Variants in SPATA31C2 observed in about 807,000 individuals in gnomAD.
SPATA31C2 encodes spermatogenesis-associated protein 31C2.
A neutral mutation model predicts 11.4 loss-of-function variants in SPATA31C2; 5 were observed. The observed-to-expected ratio is 0.44, with a 90% CI of 0.23 to 0.92. The LOEUF is 0.92. SPATA31C2 is among the 40% of genes least tolerant of loss of function. The pLI is 0.24. For synonymous variants in SPATA31C2, 515 were observed against 538.7 expected (o/e 0.96, Z 0.61); for missense variants, 1,353 against 1,368.6 (o/e 0.99, Z 0.18).
chr9:88,134,053 G>T (rs1825646210), intron 1 of SPATA31C2, among the ~76,000 whole-genome samples: 1 of 150,852 alleles, frequency 6.6e-6, no homozygotes, highest in African/African-American at 2.4e-5. Flanking sequence ...TACTCAGGAC[G>T]CTAAGACAGG....
chr9:88,131,276 G>T lies in SPATA31C2; in HGVS notation c.1761C>A (p.Thr587=), dbSNP rs543685165. 12 of 1,611,710 alleles carry T rather than the reference G, an allele frequency of 7.4e-6. No homozygotes were observed. Among genetic ancestry groups the T allele is most frequent in the Admixed American group, 1.7e-5 (1 of 59,966 alleles). Residue 587 remains threonine, a synonymous_variant, in exon 4 of 4, where the codon ACC becomes ACA. Coordinates refer to ENST00000324915, the MANE Select transcript of SPATA31C2 (RefSeq NM_001350978.3). The stretch of plus-strand genomic sequence containing the variant: ...CACTCACGGGGATCAAGCCCTCGTT[G>T]GTCTGGCCCAACTTTCTGCTCATGT... ...KAHMSRKLGQ[T]NEGLIPVSVR...
chr9:88,130,752 G>C lies in SPATA31C2; in HGVS notation c.2285C>G (p.Ala762Gly). ...NDHGSLKAPT[A>G]GQEGRWPSKP... ...AGATGGCCACCTGCCCTCCTGTCCA[G>C]CTGTAGGAGCCTTCAAGGACCCATG... The change falls in exon 4 of 4, where the codon GCT becomes GGT. Residue 762 changes from alanine (A) to glycine (G), a missense_variant. By Grantham distance (60) the Ala-to-Gly change is moderately conservative (BLOSUM62 0). Coordinates refer to ENST00000324915, the MANE Select transcript of SPATA31C2 (RefSeq NM_001350978.3). The C allele has an allele frequency of 6.2e-7, 1 of 1,613,414 alleles. No homozygotes were observed. Among genetic ancestry groups the C allele is most frequent in the Admixed American group, 1.7e-5 (1 of 60,018 alleles).
chr9:88,132,436 G>T lies in SPATA31C2; in HGVS notation c.601C>A (p.His201Asn). Residue 201 changes from histidine (H) to asparagine (N), a missense_variant, in exon 4 of 4, where the codon CAT (histidine) becomes AAT (asparagine). This residue lies in a region of SPATA31C2 where 1,075 missense variants were observed against 992.8 expected (regional missense o/e 1.08). Coordinates refer to ENST00000324915, the MANE Select transcript of SPATA31C2 (RefSeq NM_001350978.3). ...QPPEPSLLLE[H>N]PSPEPPALFP... ...AGTGCAGGTGGCTCGGGTGAGGGAT[G>T]TTCTAGGAGAAGGGAAGGTTCTGGT... The T allele has an allele frequency of 6.2e-7, 1 of 1,611,318 alleles. No individual in the cohort carries two copies. Among genetic ancestry groups the T allele is most frequent in the Non-Finnish European group, 8.5e-7 (1 of 1,178,116 alleles).
At position 88,130,105 on chromosome 9, in the gene SPATA31C2, G is replaced by A. The variant is rs1227996246; in HGVS notation, c.2932C>T (p.Gln978Ter). The change falls in exon 4 of 4, where the codon CAA becomes TAA. Residue 978 changes from glutamine to a stop codon, truncating the protein, a stop_gained. Coordinates refer to ENST00000324915, the MANE Select transcript of SPATA31C2 (RefSeq NM_001350978.3). LOFTEE classifies it low-confidence loss of function (END_TRUNC). ...EEMFQGLRTP[Q>*]LTPGRKTEDT... ...TCTGTTTTCCTGCCTGGGGTAAGTT[G>A]AGGAGTCCTCAATCCTTGAAACATT... is the stretch of plus-strand genomic sequence containing the variant. The A allele has an allele frequency of 5.6e-6, 9 of 1,607,588 alleles. No individual in the cohort carries two copies. Among genetic ancestry groups the A allele is most frequent in the Non-Finnish European group, 7.6e-6 (9 of 1,177,394 alleles).
At position 88,132,339 on chromosome 9, in the gene SPATA31C2, G is replaced by C; in HGVS notation, c.698C>G (p.Pro233Arg). The C allele has an allele frequency of 1.2e-6, 2 of 1,611,050 alleles. No individual in the cohort carries two copies. Among genetic ancestry groups the C allele is most frequent in the Non-Finnish European group, 1.7e-6 (2 of 1,177,960 alleles). The change falls in exon 4 of 4, where the codon CCT (proline) becomes CGT (arginine). Residue 233 changes from proline (P) to arginine (R), a missense_variant. Around this residue, in one of 6 missense-constraint regions of SPATA31C2, gnomAD observed 1,075 missense variants for 992.8 expected, o/e 1.08. Transcript: ENST00000324915. ...SPPPPKGFTP[P>R]PLRDSTLLTP... The stretch of plus-strand genomic sequence containing the variant: ...TAACAGAGTGGAGTCCCGCAGGGGA[G>C]GAGGAGTGAAGCCTTTCGGAGGAGG...
At position 88,131,108 on chromosome 9, in the gene SPATA31C2, C is replaced by T. The variant is rs1321044781; in HGVS notation, c.1929G>A (p.Gln643=). ...QVLSFLEPCT[Q]QVLGAHIVRF... Reference sequence around the variant, plus strand: ...TCACAATATGGGCTCCCAGCACCTGCTGAGTACACGGCTCAAGGAAGGAAA... The same window carrying T: ...TCACAATATGGGCTCCCAGCACCTGTTGAGTACACGGCTCAAGGAAGGAAA... Residue 643 remains glutamine (Q), a synonymous_variant, in exon 4 of 4, where the codon CAG becomes CAA. Coordinates refer to ENST00000324915, the MANE Select transcript of SPATA31C2 (RefSeq NM_001350978.3). 5.0e-6 allele frequency: 8 copies of T among 1,612,022 alleles called. No homozygotes were observed. The highest frequency in any genetic ancestry group is 5.9e-6 in the Non-Finnish European group (7 of 1,179,862).
In SPATA31C2 at chr9:88,131,251, C is replaced by T; in HGVS notation, c.1786G>A (p.Val596Met). 1.9e-6 allele frequency: 3 copies of T among 1,611,888 alleles called. No homozygotes were observed. Among genetic ancestry groups the T allele is most frequent in the South Asian group, 1.1e-5 (1 of 90,976 alleles). The part of the protein sequence containing the change: ...QTNEGLIPVS[V>M]RRSWLAVNQA... ...TTGACAGCAAGCCAGGATCGACGCACACTCACGGGGATCAAGCCCTCGTTG... is the reference window on the plus strand; with the variant it reads ...TTGACAGCAAGCCAGGATCGACGCATACTCACGGGGATCAAGCCCTCGTTG... The change falls in exon 4 of 4, where the codon GTG (valine) becomes ATG (methionine). Residue 596 changes from valine (V) to methionine (M), a missense_variant. Physicochemically the swap from Val to Met is conservative, Grantham distance 21. Around this residue, in one of 6 missense-constraint regions of SPATA31C2, gnomAD observed 1,075 missense variants for 992.8 expected, o/e 1.08. Coordinates refer to ENST00000324915, the MANE Select transcript of SPATA31C2 (RefSeq NM_001350978.3).
Position 88,132,270 on chromosome 9 carries a change from A to G in SPATA31C2, c.767T>C (p.Val256Ala), listed in dbSNP as rs1825611771. Residue 256 changes from valine to alanine, a missense_variant, in exon 4 of 4, where the codon GTC becomes GCC. Transcript: ENST00000324915. ...CDSVALPLDT[V>A]PQSLSPREDL... is the part of the protein sequence containing the mutation. ...CTCACGTGGAGACAAGCTTTGAGGGACGGTGTCCAGTGGAAGTGCCACTGA... is the reference window on the plus strand; with the variant it reads ...CTCACGTGGAGACAAGCTTTGAGGGGCGGTGTCCAGTGGAAGTGCCACTGA... The G allele has an allele frequency of 1.9e-6, 3 of 1,610,784 alleles. No individual in the cohort carries two copies. Among genetic ancestry groups the G allele is most frequent in the Non-Finnish European group, 2.5e-6 (3 of 1,177,728 alleles).
chr9:88,132,154 T>C lies in SPATA31C2; in HGVS notation c.883A>G (p.Thr295Ala). The change falls in exon 4 of 4, where the codon ACC becomes GCC. Residue 295 changes from threonine to alanine, a missense_variant. By Grantham distance (58) the Thr-to-Ala change is moderately conservative (BLOSUM62 0). Transcript: ENST00000324915. ...ALSWSQETTKTWCVFNSSVQQ... is the reference protein window; with the variant it reads ...ALSWSQETTKAWCVFNSSVQQ... ...ACTGACGAGTTGAAGACGCACCAGG[T>C]TTTGGTAGTCTCCTGCGACCAGGAG... is the stretch of plus-strand genomic sequence containing the variant. 8.7e-6 allele frequency: 14 copies of C among 1,610,406 alleles called. No homozygotes were observed. The highest frequency in any genetic ancestry group is 1.1e-5 in the Non-Finnish European group (13 of 1,177,570).
chr9:88,134,245 C>T (rs1825649274), intron 1 of SPATA31C2, among the ~76,000 whole-genome samples: 2 of 144,480 alleles, frequency 1.4e-5, no homozygotes, highest in African/African-American at 5.0e-5. Context: ...GCTCCAGGAA[C>T]ACCCAGGCTC....
chr9:88,130,055 G>C lies in SPATA31C2; in HGVS notation c.2982C>G (p.Val994=). The change falls in exon 4 of 4, where the codon GTC becomes GTG. Residue 994 remains valine (V), a synonymous_variant. Transcript: ENST00000324915. ...GCTGTTTCTTTGATGGCAGTAGCTG[G>C]ACGCCTTCATTCTGACGGGTGTCTT... ...KTEDTRQNEG[V]QLLPSKKQPP... is the part of the protein sequence containing the mutation. The C allele has an allele frequency of 6.2e-7, 1 of 1,608,306 alleles. No individual in the cohort carries two copies. The highest frequency in any genetic ancestry group is 8.5e-7 in the Non-Finnish European group (1 of 1,177,140).
At position 88,131,060 on chromosome 9, in the gene SPATA31C2, C is replaced by T; in HGVS notation, c.1977G>A (p.Trp659Ter). ...GCTTGAGGACCCTGAGGGGTAGACC[C>T]CACCTGTGTTTGGCCCAAAACCTCA... Reference protein sequence around the residue: ...HIVRFWAKHRWGLPLRVLKPI... With the variant: ...HIVRFWAKHR Residue 659 changes from tryptophan (W) to a stop codon, truncating the protein, a stop_gained, in exon 4 of 4, where the codon TGG becomes TGA. Transcript: ENST00000324915. LOFTEE classifies it low-confidence loss of function (END_TRUNC). The T allele has an allele frequency of 6.2e-7, 1 of 1,612,018 alleles. No homozygotes were observed. Among genetic ancestry groups the T allele is most frequent in the Non-Finnish European group, 8.5e-7 (1 of 1,179,850 alleles).
In SPATA31C2 at chr9:88,131,330, C is replaced by T. The variant is rs1161426012; in HGVS notation, c.1707G>A (p.Arg569=). 7 of 1,611,946 alleles carry T rather than the reference C, an allele frequency of 4.3e-6. No homozygotes were observed. Among genetic ancestry groups the T allele is most frequent in the Non-Finnish European group, 5.9e-6 (7 of 1,179,876 alleles). ...SGSDLLRRTE[R]NHIENILKAH... ...CTTTCAGGATGTTTTCTATATGATT[C>T]CTCTCTGTGCGTCTTAATAAATCAC... The change falls in exon 4 of 4, where the codon AGG becomes AGA. Residue 569 remains arginine (R), a synonymous_variant. Transcript: ENST00000324915.
At position 88,130,091 on chromosome 9, in the gene SPATA31C2, G is replaced by C. The variant is rs1462201772; in HGVS notation, c.2946C>G (p.Gly982=). The C allele has an allele frequency of 6.2e-7, 1 of 1,606,764 alleles. No individual in the cohort carries two copies. The highest frequency in any genetic ancestry group is 1.3e-5 in the African/African-American group (1 of 74,754). Reference sequence around the variant, plus strand: ...TCTGACGGGTGTCTTCTGTTTTCCTGCCTGGGGTAAGTTGAGGAGTCCTCA... The same window carrying C: ...TCTGACGGGTGTCTTCTGTTTTCCTCCCTGGGGTAAGTTGAGGAGTCCTCA... ...QGLRTPQLTP[G]RKTEDTRQNE... is the part of the protein sequence containing the mutation. The change falls in exon 4 of 4, where the codon GGC becomes GGG. Residue 982 remains glycine (G), a synonymous_variant. Coordinates refer to ENST00000324915, the MANE Select transcript of SPATA31C2 (RefSeq NM_001350978.3).
rs1563962029 is a variant in SPATA31C2, at chr9:88,131,344, T to G, written c.1693A>C (p.Arg565=). 1 of 1,611,958 alleles carries G rather than the reference T, an allele frequency of 6.2e-7. No individual in the cohort carries two copies. Among genetic ancestry groups the G allele is most frequent in the Admixed American group, 1.7e-5 (1 of 60,010 alleles). The change falls in exon 4 of 4, where the codon AGA becomes CGA. Residue 565 remains arginine (R), a synonymous_variant. Coordinates refer to ENST00000324915, the MANE Select transcript of SPATA31C2 (RefSeq NM_001350978.3). ...TCTATATGATTCCTCTCTGTGCGTC[T>G]TAATAAATCACTTCCTGAGTCACTC... is the stretch of plus-strand genomic sequence containing the variant. The part of the protein sequence containing the change: ...LRSDSGSDLL[R]RTERNHIENI...
rs547927489 is a variant in SPATA31C2, at chr9:88,130,729, A to T, written c.2308T>A (p.Ser770Thr). 2.8e-4 allele frequency: 445 copies of T among 1,613,592 alleles called. 5 individuals carry two copies. The South Asian group carries it at 4.6e-3, about 17-fold the overall frequency. Residue 770 changes from serine (S) to threonine (T), a missense_variant, in exon 4 of 4, where the codon TCT becomes ACT. Physicochemically the swap from Ser to Thr is moderately conservative, Grantham distance 58. Transcript: ENST00000324915. ...GTGAGGCTGTATGTGAGGGGCTTAGATGGCCACCTGCCCTCCTGTCCAGCT... is the reference window on the plus strand; with the variant it reads ...GTGAGGCTGTATGTGAGGGGCTTAGTTGGCCACCTGCCCTCCTGTCCAGCT... ...PTAGQEGRWP[S>T]KPLTYSLTGS... is the part of the protein sequence containing the mutation.
intron 1 of SPATA31C2, among the ~76,000 whole-genome samples, chr9:88,135,201 A>C (rs907688379): frequency 8.1e-6 from 1 of 123,652 alleles, no homozygotes; most frequent in Non-Finnish European, 1.6e-5. Flanking sequence ...GATAGAACTC[A>C]GCCAGTTTTC....
intron 1 of SPATA31C2, 53 bp from the exon 2 acceptor site, chr9:88,133,722 C>T: frequency 7.1e-7 from 1 of 1,411,562 alleles, no homozygotes; most frequent in African/African-American, 1.6e-5. Context: ...TCTCTGCCCC[C>T]AGCCCAGCCG....
rs1825624677 is a variant in SPATA31C2, at chr9:88,132,813, A to C, written c.327-103T>G. ...CCCTCCACCACGCCACACCCTGACC[A>C]CCCAATTCTCCTGCTACCCCTCGCC... On this transcript the variant is annotated intron_variant, in intron 3 of 3. Coordinates refer to ENST00000324915, the MANE Select transcript of SPATA31C2 (RefSeq NM_001350978.3). The C allele has an allele frequency of 7.1e-6, 9 of 1,271,678 alleles. 1 individual carries two copies. Among genetic ancestry groups the C allele is most frequent in the Non-Finnish European group, 9.3e-6 (9 of 965,912 alleles). The allele number at this position is 1,271,678 out of a possible 1,614,324, so 78.8% of individuals were successfully genotyped here.
Sources: gnomAD v4.1 joint callset for allele counts (sites outside exome capture counted in the v4.1 genomes callset) on GRCh38, gnomAD v4.1.1 for gene constraint, gnomAD v4.1.1 regional missense constraint, MANE v1.5 for transcripts, NCBI Gene and HGNC (gene_info 2026-07-23, HGNC 2026-07-21) for gene names.